GRIN2A: variants seen among roughly 807,000 people sequenced by gnomAD.
GRIN2A encodes the protein glutamate ionotropic receptor NMDA type subunit 2A, also known as glutamate receptor ionotropic, NMDA 2A.
GRIN2A carries 22 observed loss-of-function variants against 113.4 expected under a neutral mutation model. That is an observed-to-expected ratio of 0.19 (90% CI 0.14 to 0.28). The LOEUF is 0.28. GRIN2A is among the 10% of genes least tolerant of loss of function. The pLI is 1.00. For missense variants in GRIN2A, 1,502 were observed against 1,887.0 expected, an observed-to-expected ratio of 0.80 and a Z score of 3.78; for synonymous variants, 827 against 738.4, an observed-to-expected ratio of 1.12 and a Z score of -1.94.
At chr16:9,948,652 AT>A (rs1174073068) in intron 2 of GRIN2A, among the ~76,000 whole-genome samples, 3 of 152,184 alleles carry the variant, frequency 2.0e-5, no homozygotes, top group African/African-American at 7.2e-5. Flanking sequence ...CCATCGTCTT[AT>A]CCAGCAAAAC....
chr16:9,891,585 T>G (rs2043695633), intron 3 of GRIN2A, among the ~76,000 whole-genome samples: 1 of 152,166 alleles, frequency 6.6e-6, no homozygotes, highest in Non-Finnish European at 1.5e-5. Flanking sequence ...TCAAGAAGTT[T>G]AGAGTCTAAG....
At chr16:10,043,764 C>G (rs1238307731) in intron 2 of GRIN2A, among the ~76,000 whole-genome samples, 1 of 151,958 alleles carries the variant, frequency 6.6e-6, no homozygotes, top group Non-Finnish European at 1.5e-5. Context: ...GGTCAAACTC[C>G]TGTGCCAAAT....
At chr16:9,905,118 T>C (rs1190565708) in intron 3 of GRIN2A, among the ~76,000 whole-genome samples, 1 of 152,244 alleles carries the variant, frequency 6.6e-6, no homozygotes, top group African/African-American at 2.4e-5. Context: ...ATTGAACATC[T>C]ACTTTATGCT....
intron 10 of GRIN2A, among the ~76,000 whole-genome samples, chr16:9,820,064 G>C (rs2042252828): frequency 6.6e-6 from 1 of 151,936 alleles, no homozygotes. Context: ...TTCTAAGATG[G>C]ATGTTATAAT....
chr16:9,791,193 G>T (rs565703689), intron 11 of GRIN2A, among the ~76,000 whole-genome samples: 1 of 152,238 alleles, frequency 6.6e-6, no homozygotes, highest in African/African-American at 2.4e-5. Flanking sequence ...GAGTTCACAG[G>T]CAGGGTATCT....
intron 5 of GRIN2A, among the ~76,000 whole-genome samples, chr16:9,845,688 T>C (rs960135318): frequency 6.6e-6 from 1 of 152,218 alleles, no homozygotes; most frequent in African/African-American, 2.4e-5. Context: ...CCATTGCCTC[T>C]ACCTGGAAGG....
At chr16:9,871,444 A>C (rs1421339199) in intron 4 of GRIN2A, among the ~76,000 whole-genome samples, 1 of 152,126 alleles carries the variant, frequency 6.6e-6, no homozygotes, top group Non-Finnish European at 1.5e-5. Context: ...AAAAAAAAAA[A>C]AAGGTAAAAC....
At chr16:9,985,684 G>T (rs967488101) in intron 2 of GRIN2A, among the ~76,000 whole-genome samples, 1 of 152,118 alleles carries the variant, frequency 6.6e-6, no homozygotes, top group Non-Finnish European at 1.5e-5. Flanking sequence ...TAGAGTGATG[G>T]TTACCAGAGG....
intron 2 of GRIN2A, among the ~76,000 whole-genome samples, chr16:10,008,859 G>C (rs2046452371): frequency 6.6e-6 from 1 of 152,192 alleles, no homozygotes; most frequent in Admixed American, 6.5e-5. Flanking sequence ...AATGAAGAAA[G>C]CAAGGTGTAG....
rs16966243 is a variant in GRIN2A, at chr16:9,755,072, A to C, written c.*8077T>G. ...AATTAACTGGAAGAGGTCATGACCCAGGGCTAATGAAGAATGTTCTAGGAT... is the reference window on the plus strand; with the variant it reads ...AATTAACTGGAAGAGGTCATGACCCCGGGCTAATGAAGAATGTTCTAGGAT... On this transcript the variant is annotated 3_prime_UTR_variant, in exon 13 of 13. Transcript: ENST00000330684. The C allele has an allele frequency of 0.01, 1,999 of 199,214 alleles. 28 individuals carry two copies. Among genetic ancestry groups the C allele is most frequent in the African/African-American group, 0.043 (1,855 of 43,498 alleles). The allele number at this position is 199,214 out of a possible 1,614,324, so 12.3% of individuals were successfully genotyped here.
At chr16:9,894,304 T>C (rs975079308) in intron 3 of GRIN2A, among the ~76,000 whole-genome samples, 2 of 152,206 alleles carry the variant, frequency 1.3e-5, no homozygotes, top group Non-Finnish European at 2.9e-5. Context: ...CAGAAGGTCA[T>C]GGTGAGCCAG....
intron 2 of GRIN2A, among the ~76,000 whole-genome samples, chr16:10,139,485 TTGTC>T (rs1392962603): frequency 2.6e-5 from 4 of 152,252 alleles, no homozygotes; most frequent in Non-Finnish European, 4.4e-5. Context: ...CAGATTCCAG[TTGTC>T]TGTCTGTAGG....
At chr16:9,921,080 C>T (rs889555315) in intron 3 of GRIN2A, among the ~76,000 whole-genome samples, 7 of 152,102 alleles carry the variant, frequency 4.6e-5, no homozygotes, top group African/African-American at 1.4e-4. Context: ...GAGCTTTTGA[C>T]GATTCTTATA....
intron 2 of GRIN2A, chr16:10,111,465 C>G (rs1300775002): frequency 1.6e-6 from 1 of 617,042 alleles, no homozygotes; most frequent in South Asian, 1.7e-5. Flanking sequence ...TCGGCGCCAA[C>G]TGCCGCACCC....
Position 9,764,733 on chromosome 16 carries a change from A to T in GRIN2A, c.2811T>A (p.Asp937Glu), listed in dbSNP as rs570907044. 25 of 1,614,222 alleles carry T rather than the reference A, an allele frequency of 1.5e-5. No homozygotes were observed. In the South Asian group the frequency reaches 1.9e-4, roughly 12 times the overall value. The change falls in exon 13 of 13, where the codon GAT becomes GAA. Residue 937 changes from aspartate to glutamate, a missense_variant. Physicochemically the swap from Asp to Glu is conservative, Grantham distance 45. This residue lies in a region of GRIN2A where 832 missense variants were observed against 789.7 expected (regional missense o/e 1.05). Transcript: ENST00000330684. ...TGTCTGAGTACATCAAATTCCCCTT[A>T]TCTGAAACCATGTCCATGATGAGGG... ...RGSLIMDMVS[D>E]KGNLMYSDNR...
chr16:9,985,645 A>T (rs2045966119), intron 2 of GRIN2A, among the ~76,000 whole-genome samples: 1 of 152,138 alleles, frequency 6.6e-6, no homozygotes, highest in African/African-American at 2.4e-5. Context: ...AAAAAAAATT[A>T]AAACAATTGA....
At chr16:9,883,220 T>A (rs1434438265) in intron 4 of GRIN2A, among the ~76,000 whole-genome samples, 1 of 152,160 alleles carries the variant, frequency 6.6e-6, no homozygotes, top group African/African-American at 2.4e-5. Context: ...GTCATCATAG[T>A]TATTGGTACA....
At chr16:9,839,236 C>G (rs1248312205) in intron 7 of GRIN2A, among the ~76,000 whole-genome samples, 1 of 152,136 alleles carries the variant, frequency 6.6e-6, no homozygotes, top group Non-Finnish European at 1.5e-5. Context: ...GATAACCAAA[C>G]AGTTAATACA....
At chr16:9,966,599 C>A (rs1487815575) in intron 2 of GRIN2A, among the ~76,000 whole-genome samples, 1 of 152,178 alleles carries the variant, frequency 6.6e-6, no homozygotes, top group East Asian at 1.9e-4. Flanking sequence ...TGCCCGTGTC[C>A]TTATAATAGA....
Sources: allele counts gnomAD v4.1 joint callset (sites outside exome capture counted in the v4.1 genomes callset), GRCh38; gene constraint gnomAD v4.1.1; regional missense constraint gnomAD v4.1.1; transcripts MANE v1.5; gene names NCBI Gene and HGNC (gene_info 2026-07-23, HGNC 2026-07-21).